CNTNAP2: variants seen among roughly 807,000 people sequenced by gnomAD.
CNTNAP2 encodes contactin-associated protein-like 2.
CNTNAP2 carries 98 observed loss-of-function variants against 155.2 expected under a neutral mutation model. The ratio of observed to expected loss-of-function variants is 0.63; its 90% CI spans 0.54 to 0.75. CNTNAP2 has a LOEUF of 0.75. CNTNAP2 is among the 30% of genes least tolerant of loss of function. The pLI is 0.00. For missense variants in CNTNAP2, 1,727 were observed against 1,688.1 expected (o/e 1.02, Z -0.40); for synonymous variants, 651 against 631.2 (o/e 1.03, Z -0.47).
chr7:148,187,447 T>C (rs1278607337), intron 18 of CNTNAP2, among the ~76,000 whole-genome samples: 1 of 152,200 alleles, frequency 6.6e-6, no homozygotes, highest in East Asian at 1.9e-4. Flanking sequence ...TGCTTTGAAT[T>C]ACTGATTGAT....
At chr7:148,026,358 G>A (rs1253420708) in intron 15 of CNTNAP2, among the ~76,000 whole-genome samples, 2 of 152,050 alleles carry the variant, frequency 1.3e-5, no homozygotes, top group East Asian at 1.9e-4. Context: ...GGCTGAGGTG[G>A]AAGGGTCACT....
At chr7:146,670,274 T>G (rs1800279344) in intron 1 of CNTNAP2, among the ~76,000 whole-genome samples, 1 of 152,146 alleles carries the variant, frequency 6.6e-6, no homozygotes, top group Admixed American at 6.5e-5. Context: ...TCTTTGAATA[T>G]CACTTGTAGA....
At chr7:146,455,622 A>G (rs1796544456) in intron 1 of CNTNAP2, among the ~76,000 whole-genome samples, 1 of 152,198 alleles carries the variant, frequency 6.6e-6, no homozygotes, top group Non-Finnish European at 1.5e-5. Flanking sequence ...TTTAAAATTC[A>G]TAGGGTCTTA....
intron 10 of CNTNAP2, among the ~76,000 whole-genome samples, chr7:147,412,880 G>T (rs1292045610): frequency 6.6e-6 from 1 of 152,162 alleles, no homozygotes; most frequent in Non-Finnish European, 1.5e-5. Flanking sequence ...TTCTCAGAAT[G>T]CCTGAGAAAA....
intron 13 of CNTNAP2, among the ~76,000 whole-genome samples, chr7:147,823,543 T>C (rs62482317): frequency 0.18 from 27,560 of 152,036 alleles, 2,590 homozygotes; most frequent in Admixed American, 0.22. Context: ...ACTTGGCTCC[T>C]ACCCCTAATT....
intron 1 of CNTNAP2, among the ~76,000 whole-genome samples, chr7:146,171,148 T>C (rs1798384381): frequency 6.6e-6 from 1 of 152,174 alleles, no homozygotes; most frequent in Non-Finnish European, 1.5e-5. Flanking sequence ...CTATACTGAG[T>C]AGAGTTTTCC....
rs75604616 is a variant in CNTNAP2 at position 148,108,512 on chromosome 7, G to A, written c.2384-9606G>A. ...GAGTAAACCAGCTGAGGAAGTGACCGCTGCAGGCTTAGCTGTCAATCCTGG... is the reference window on the plus strand; with the variant it reads ...GAGTAAACCAGCTGAGGAAGTGACCACTGCAGGCTTAGCTGTCAATCCTGG... On this transcript the variant is annotated intron_variant, in intron 15 of 23. Transcript: ENST00000361727. 8.9e-3 allele frequency among the ~76,000 whole-genome samples: 1,353 copies of A among 152,256 alleles called. 22 individuals are homozygous for A. The highest frequency in any genetic ancestry group is 0.029 in the African/African-American group (1,201 of 41,544).
At chr7:147,698,273 C>A (rs905168905) in intron 13 of CNTNAP2, among the ~76,000 whole-genome samples, 7 of 152,152 alleles carry the variant, frequency 4.6e-5, no homozygotes, top group Non-Finnish European at 2.9e-5. Context: ...GGAGTTTATA[C>A]TTTATTTTTC....
intron 9 of CNTNAP2, among the ~76,000 whole-genome samples, chr7:147,331,499 A>G (rs826792): frequency 0.077 from 11,681 of 152,122 alleles, 715 homozygotes; most frequent in East Asian, 0.32. Flanking sequence ...CGTGGCAACA[A>G]TAGTCAAAAC....
chr7:147,947,389 G>A (rs1232550773), intron 14 of CNTNAP2, among the ~76,000 whole-genome samples: 4 of 150,620 alleles, frequency 2.7e-5, no homozygotes, highest in Admixed American at 1.3e-4. Context: ...AGGCTGAGGC[G>A]GGAGGATTGC....
Position 147,559,865 on chromosome 7 carries a change from T to TA in CNTNAP2, c.1778-2257dup, listed in dbSNP as rs57030720. Reference sequence around the variant, plus strand: ...GTTGGATTCTATGTCTTGCCGATCTTAAAAAAAAAAAAAAAACATTTGAGG... The same window carrying TA: ...GTTGGATTCTATGTCTTGCCGATCTTAAAAAAAAAAAAAAAAACATTTGAGG... On this transcript the variant is annotated intron_variant, in intron 11 of 23. Transcript: ENST00000361727. 5.1e-3 allele frequency among the ~76,000 whole-genome samples: 712 copies of TA among 140,558 alleles called. 6 individuals carry two copies. The highest frequency in any genetic ancestry group is 0.015 in the African/African-American group (564 of 37,260). The allele number at this position is 140,558 out of a possible 152,430, so 92.2% of individuals were successfully genotyped here.
intron 8 of CNTNAP2, among the ~76,000 whole-genome samples, chr7:147,137,953 G>A (rs1252106997): frequency 1.3e-5 from 2 of 151,660 alleles, no homozygotes; most frequent in Non-Finnish European, 2.9e-5. Context: ...TAAAACTATT[G>A]CTAGCTATCA....
At chr7:147,508,681 A>T (rs1798959161) in intron 11 of CNTNAP2, among the ~76,000 whole-genome samples, 2 of 152,200 alleles carry the variant, frequency 1.3e-5, no homozygotes, top group Non-Finnish European at 2.9e-5. Flanking sequence ...GGAGATAATT[A>T]AATCATAGGG....
At chr7:146,436,244 A>T (rs1796241968) in intron 1 of CNTNAP2, among the ~76,000 whole-genome samples, 1 of 152,172 alleles carries the variant, frequency 6.6e-6, no homozygotes, top group Admixed American at 6.6e-5. Context: ...GGGTAAAAAA[A>T]TCTTCATTCC....
chr7:147,082,297 T>C (rs1800150486), intron 4 of CNTNAP2, among the ~76,000 whole-genome samples: 1 of 152,174 alleles, frequency 6.6e-6, no homozygotes. Flanking sequence ...TACATTTGCT[T>C]AGGCCTTTTA....
chr7:146,696,022 G>C (rs1800776069), intron 1 of CNTNAP2, among the ~76,000 whole-genome samples: 1 of 152,048 alleles, frequency 6.6e-6, no homozygotes, highest in South Asian at 2.1e-4. Context: ...TCTTAGTCTG[G>C]ATGTGGTGTT....
intron 13 of CNTNAP2, among the ~76,000 whole-genome samples, chr7:147,658,016 G>C (rs1795551221): frequency 6.7e-6 from 1 of 148,234 alleles, no homozygotes; most frequent in Non-Finnish European, 1.5e-5. Flanking sequence ...CAGCACTTTG[G>C]GAGGCCGAGG....
chr7:146,595,656 C>A (rs889430430), intron 1 of CNTNAP2, among the ~76,000 whole-genome samples: 20 of 152,016 alleles, frequency 1.3e-4, no homozygotes, highest in African/African-American at 4.8e-4. Context: ...GCAAGCATTC[C>A]CTAAATTACC....
chr7:146,168,758 G>C (rs931071713), intron 1 of CNTNAP2, among the ~76,000 whole-genome samples: 5 of 152,106 alleles, frequency 3.3e-5, no homozygotes, highest in African/African-American at 1.2e-4. Context: ...TGGTTTACCA[G>C]CTTCTAGCTT....
Sources: allele counts gnomAD v4.1 joint callset (sites outside exome capture counted in the v4.1 genomes callset), GRCh38; gene constraint gnomAD v4.1.1; transcripts MANE v1.5; gene names NCBI Gene and HGNC (gene_info 2026-07-23, HGNC 2026-07-21).